The following SLC14A2 variants were observed in gnomAD, a reference collection of about 807,000 sequenced individuals.
The protein encoded by SLC14A2 is urea transporter 2.
Under a neutral mutation model 104.6 loss-of-function variants are expected in SLC14A2, and 91 were observed. That is an observed-to-expected ratio of 0.87 (90% CI 0.73 to 1.04). SLC14A2 has a LOEUF of 1.04. Among genes scored for constraint, SLC14A2 ranks in the 50% least tolerant of loss-of-function variants. SLC14A2 has a pLI of 0.00. For synonymous variants in SLC14A2, 476 were observed against 466.4 expected (o/e 1.02, Z -0.27); for missense variants, 1,189 against 1,156.0 (o/e 1.03, Z -0.41).
intron 1 of SLC14A2, among the ~76,000 whole-genome samples, chr18:45,226,457 G>A (rs2084117761): frequency 6.6e-6 from 1 of 151,962 alleles, no homozygotes; most frequent in Non-Finnish European, 1.5e-5. Context: ...AAGAAAATGT[G>A]GCATATATAC....
chr18:45,463,192 T>C (rs2087077031), intron 1 of SLC14A2, among the ~76,000 whole-genome samples: 1 of 152,318 alleles, frequency 6.6e-6, no homozygotes, highest in Admixed American at 6.5e-5. Flanking sequence ...AGAAAGCCTG[T>C]ACTCCCTTTG....
intron 2 of SLC14A2, among the ~76,000 whole-genome samples, chr18:45,571,916 C>T (rs777887642): frequency 3.9e-5 from 6 of 152,180 alleles, no homozygotes; most frequent in African/African-American, 7.2e-5. Context: ...CTGCTTGCTC[C>T]TCCAGGGGCA....
chr18:45,471,623 GT>G (rs1368883839), intron 1 of SLC14A2, among the ~76,000 whole-genome samples: 1 of 151,256 alleles, frequency 6.6e-6, no homozygotes, highest in African/African-American at 2.4e-5. Flanking sequence ...ATTTTCATGT[GT>G]TCTGCTCACT....
chr18:45,505,536 T>A lies in SLC14A2; in HGVS notation c.-35+22214T>A, dbSNP rs150769105. On this transcript the variant is annotated intron_variant, in intron 2 of 20. Transcript: ENST00000586448. ...CACTCTTTCACAACTTTCTGAGTTT[T>A]CCCTGCATCCCCACATACCTCACCC... is the stretch of plus-strand genomic sequence containing the variant. Among the ~76,000 whole-genome samples, 403 of 152,276 alleles carry A rather than the reference T, an allele frequency of 2.6e-3. 1 individual carries two copies. The highest frequency in any genetic ancestry group is 9.2e-3 in the African/African-American group (384 of 41,568).
chr18:45,495,041 C>T (rs1308631938), intron 2 of SLC14A2, among the ~76,000 whole-genome samples: 1 of 152,042 alleles, frequency 6.6e-6, no homozygotes. Flanking sequence ...GCTTTCCTCC[C>T]AGCTTCATAT....
At chr18:45,556,754 T>C (rs907219094) in intron 2 of SLC14A2, among the ~76,000 whole-genome samples, 6 of 152,236 alleles carry the variant, frequency 3.9e-5, no homozygotes, top group Non-Finnish European at 8.8e-5. Context: ...AATCTGTATA[T>C]AGCTAAATCC....
intron 1 of SLC14A2, among the ~76,000 whole-genome samples, chr18:45,442,638 T>A (rs2086698838): frequency 6.6e-6 from 1 of 152,206 alleles, no homozygotes; most frequent in Admixed American, 6.5e-5. Flanking sequence ...CCAAATAAGA[T>A]TATACTCTAA....
upstream of SLC14A2, among the ~76,000 whole-genome samples, chr18:45,209,837 A>T (rs1247100223): frequency 6.6e-6 from 1 of 152,264 alleles, no homozygotes; most frequent in East Asian, 1.9e-4. Flanking sequence ...GGTCACAACC[A>T]TGCCCAGTGC....
chr18:45,331,560 G>A (rs372871555), intron 1 of SLC14A2, among the ~76,000 whole-genome samples: 10 of 151,722 alleles, frequency 6.6e-5, no homozygotes, highest in East Asian at 3.9e-4. Context: ...GCGTGGTGGC[G>A]GACACCTGTA....
intron 1 of SLC14A2, among the ~76,000 whole-genome samples, chr18:45,419,500 G>C (rs12606651): frequency 0.16 from 25,072 of 152,210 alleles, 3,015 homozygotes; most frequent in African/African-American, 0.31. Flanking sequence ...CAGGTCGGGC[G>C]TGGTGGCTCA....
intron 1 of SLC14A2, among the ~76,000 whole-genome samples, chr18:45,456,297 C>G (rs1303625434): frequency 6.6e-6 from 1 of 152,184 alleles, no homozygotes; most frequent in Non-Finnish European, 1.5e-5. Context: ...AGAGCAGCAC[C>G]ATCTGCGACC....
At chr18:45,262,494 A>G (rs1482319379) in intron 1 of SLC14A2, among the ~76,000 whole-genome samples, 1 of 152,152 alleles carries the variant, frequency 6.6e-6, no homozygotes, top group Non-Finnish European at 1.5e-5. Context: ...GTGTGCTTTG[A>G]GCCTAACCAT....
intron 1 of SLC14A2, among the ~76,000 whole-genome samples, chr18:45,225,553 A>G (rs950342473): frequency 2.6e-5 from 4 of 152,122 alleles, no homozygotes; most frequent in Non-Finnish European, 5.9e-5. Flanking sequence ...CTGGATGGGG[A>G]TGGCATTGAA....
intron 1 of SLC14A2, among the ~76,000 whole-genome samples, chr18:45,405,713 A>G (rs1187085151): frequency 2.0e-5 from 3 of 152,106 alleles, no homozygotes; most frequent in Non-Finnish European, 4.4e-5. Flanking sequence ...GACCAGCCTC[A>G]TGGTGAAACC....
chr18:45,186,965 T>G, the SLC14A2 span, among the ~76,000 whole-genome samples: 3 of 152,102 alleles, frequency 2.0e-5, no homozygotes, highest in Non-Finnish European at 4.4e-5. Flanking sequence ...TTCACGAGAT[T>G]CCTTGATATG....
At chr18:45,610,699 A>C (rs765118425), upstream of SLC14A2, among the ~76,000 whole-genome samples, 21 of 152,190 alleles carry the variant, frequency 1.4e-4, no homozygotes, top group Non-Finnish European at 2.8e-4. Flanking sequence ...GGCTTTGCAA[A>C]ACTCTGTAAT....
chr18:45,204,302 T>C, the SLC14A2 span, among the ~76,000 whole-genome samples: 2 of 152,170 alleles, frequency 1.3e-5, no homozygotes, highest in Non-Finnish European at 2.9e-5. Context: ...AGCTCAAACA[T>C]CTACTCCAGC....
In SLC14A2 at chr18:45,234,708, C is replaced by T. The variant is rs576777102; in HGVS notation, c.-125+21517C>T. 9.8e-5 allele frequency among the ~76,000 whole-genome samples: 15 copies of T among 152,312 alleles called. No homozygotes were observed. In the East Asian group the frequency reaches 1.2e-3, roughly 12 times the overall value. ...TGTCCTTAATCTTCTGTGGGGAACC[C>T]GTTTTAATTCTCTACTGCCTTGTTG... is the stretch of plus-strand genomic sequence containing the variant. On this transcript the variant is annotated intron_variant, in intron 1 of 20. Coordinates refer to the SLC14A2 transcript ENST00000586448.
chr18:45,661,403 C>T (rs570558278), intron 10 of SLC14A2, among the ~76,000 whole-genome samples: 1 of 152,184 alleles, frequency 6.6e-6, no homozygotes, highest in South Asian at 2.1e-4. Context: ...CAGGTACAGG[C>T]CCTAGACTAA....
Sources: allele counts gnomAD v4.1 joint callset (sites outside exome capture counted in the v4.1 genomes callset), GRCh38; gene constraint gnomAD v4.1.1; transcripts MANE v1.5; gene names NCBI Gene and HGNC (gene_info 2026-07-23, HGNC 2026-07-21).